Variants in CTNND2 observed in about 807,000 individuals in gnomAD.
CTNND2 encodes the protein catenin delta 2, also known as catenin delta-2.
In CTNND2, 22 loss-of-function variants were observed where a neutral mutation model predicts 144.4. The observed-to-expected ratio is 0.15, with a 90% CI of 0.11 to 0.22. CTNND2 has a LOEUF of 0.22. Ranked by LOEUF, CTNND2 falls within the 10% of genes least tolerant of loss-of-function variation. The probability of loss-of-function intolerance (pLI) is 1.00; values close to 1 mark genes in which losing one functional copy is unlikely to be tolerated. For missense variants in CTNND2, 1,353 were observed against 1,618.8 expected, an observed-to-expected ratio of 0.84 and a Z score of 2.82; for synonymous variants, 751 against 695.6, an observed-to-expected ratio of 1.08 and a Z score of -1.25.
intron 1 of CTNND2, among the ~76,000 whole-genome samples, chr5:11,868,727 T>C (rs1795891669): frequency 6.6e-6 from 1 of 152,108 alleles, no homozygotes; most frequent in African/African-American, 2.4e-5. Context: ...GTGGGACTGA[T>C]GGCTTTGTAA....
chr5:11,657,268 G>T (rs1402429573), intron 2 of CTNND2, among the ~76,000 whole-genome samples: 1 of 152,084 alleles, frequency 6.6e-6, no homozygotes, highest in Non-Finnish European at 1.5e-5. Flanking sequence ...ATTTTTTAAA[G>T]AATGTGCAAC....
At chr5:10,986,631 T>C in intron 20 of CTNND2, 1 of 456,076 alleles carries the variant, frequency 2.2e-6, no homozygotes, top group Non-Finnish European at 4.4e-6. Flanking sequence ...TGAATGTGAA[T>C]AGTAACCTAG....
intron 1 of CTNND2, among the ~76,000 whole-genome samples, chr5:11,898,861 G>A (rs1737622658): frequency 6.6e-6 from 1 of 152,070 alleles, no homozygotes; most frequent in Non-Finnish European, 1.5e-5. Flanking sequence ...CCATTATACA[G>A]CTCACATTCT....
intron 9 of CTNND2, among the ~76,000 whole-genome samples, chr5:11,286,379 G>A (rs1039952842): frequency 1.4e-4 from 21 of 152,116 alleles, no homozygotes; most frequent in African/African-American, 4.8e-4. Flanking sequence ...CATGTCTTAA[G>A]TTATTAAAAA....
At chr5:11,340,595 A>C (rs942755239) in intron 9 of CTNND2, among the ~76,000 whole-genome samples, 4 of 152,234 alleles carry the variant, frequency 2.6e-5, no homozygotes, top group Admixed American at 2.0e-4. Context: ...CTATAGTATC[A>C]AATAATGGAA....
chr5:11,582,570 T>G (rs1229638575), intron 2 of CTNND2, among the ~76,000 whole-genome samples: 2 of 152,222 alleles, frequency 1.3e-5, no homozygotes, highest in East Asian at 3.9e-4. Flanking sequence ...ATATTCACCT[T>G]GTAACTTAAA....
chr5:11,327,346 C>T (rs545057726), intron 9 of CTNND2, among the ~76,000 whole-genome samples: 10 of 152,202 alleles, frequency 6.6e-5, no homozygotes, highest in East Asian at 1.9e-4. Flanking sequence ...GGATTTGGCA[C>T]GGGCTGGAAA....
At chr5:11,634,474 TC>T (rs1463528333) in intron 2 of CTNND2, among the ~76,000 whole-genome samples, 6 of 152,162 alleles carry the variant, frequency 3.9e-5, no homozygotes, top group African/African-American at 1.4e-4. Flanking sequence ...GCACGATTTC[TC>T]CAGTTCTGCC....
chr5:11,030,553 A>G (rs1056027391), intron 16 of CTNND2, among the ~76,000 whole-genome samples: 1 of 151,852 alleles, frequency 6.6e-6, no homozygotes, highest in Non-Finnish European at 1.5e-5. Context: ...TTTCATTTCA[A>G]TTATTGTACT....
intron 16 of CTNND2, among the ~76,000 whole-genome samples, chr5:11,030,898 T>A (rs1170570656): frequency 6.6e-6 from 1 of 152,070 alleles, no homozygotes; most frequent in Non-Finnish European, 1.5e-5. Context: ...GGAAATCAGA[T>A]TCTTCCTCTT....
At chr5:11,098,189 A>G (rs565499134) in intron 15 of CTNND2, among the ~76,000 whole-genome samples, 111 of 152,264 alleles carry the variant, frequency 7.3e-4, no homozygotes, top group Non-Finnish European at 1.4e-3. Context: ...AAGTGTTCAC[A>G]TGGGATTTTA....
chr5:11,259,808 G>C lies in CTNND2; in HGVS notation c.1629-22985C>G, dbSNP rs1434925103. 3.9e-5 allele frequency among the ~76,000 whole-genome samples: 6 copies of C among 152,264 alleles called. No homozygotes were observed. The East Asian group carries it at 1.2e-3, about 29-fold the overall frequency. On this transcript the variant is annotated intron_variant, in intron 9 of 21. Coordinates refer to ENST00000304623, the MANE Select transcript of CTNND2 (RefSeq NM_001332.4). ...GATCTGAAAAGAACCGCTTTGTTGA[G>C]GCCATCAGTTTGTTGTTAACAACCC...
At chr5:11,600,849 T>C (rs1022465436) in intron 2 of CTNND2, among the ~76,000 whole-genome samples, 5 of 151,954 alleles carry the variant, frequency 3.3e-5, no homozygotes, top group African/African-American at 1.2e-4. Flanking sequence ...ATGAGAGCAT[T>C]GGTGGTAAAA....
intron 1 of CTNND2, among the ~76,000 whole-genome samples, chr5:11,801,339 A>G (rs1791670936): frequency 6.6e-6 from 1 of 152,228 alleles, no homozygotes; most frequent in Non-Finnish European, 1.5e-5. Flanking sequence ...AGGGCAGAGC[A>G]TCCGACTGAT....
At chr5:11,117,617 A>G in intron 12 of CTNND2, 50 bp from the exon 13 acceptor site, 1 of 1,457,370 alleles carries the variant, frequency 6.9e-7, no homozygotes, top group Non-Finnish European at 9.6e-7. Flanking sequence ...TCACCAAAAG[A>G]ATGTCTTTCC....
At chr5:11,568,734 C>T (rs1430025340) in intron 2 of CTNND2, among the ~76,000 whole-genome samples, 1 of 152,122 alleles carries the variant, frequency 6.6e-6, no homozygotes, top group Non-Finnish European at 1.5e-5. Context: ...TGACATTATC[C>T]ATCTCTAACA....
intron 19 of CTNND2, among the ~76,000 whole-genome samples, chr5:10,991,698 T>C (rs1738697111): frequency 6.6e-6 from 1 of 152,120 alleles, no homozygotes; most frequent in Non-Finnish European, 1.5e-5. Flanking sequence ...AAAAATTAAA[T>C]GGAATGACAT....
intron 2 of CTNND2, among the ~76,000 whole-genome samples, chr5:11,584,953 T>C (rs1446032110): frequency 6.6e-6 from 1 of 152,202 alleles, no homozygotes; most frequent in African/African-American, 2.4e-5. Context: ...AGAAATTATA[T>C]ATACTTCTTC....
At chr5:11,145,534 A>G (rs1757158702) in intron 12 of CTNND2, among the ~76,000 whole-genome samples, 1 of 152,128 alleles carries the variant, frequency 6.6e-6, no homozygotes, top group Admixed American at 6.5e-5. Context: ...GACAGTGGCA[A>G]CTAACTGAGG....
Sources: gnomAD v4.1 joint callset for allele counts (sites outside exome capture counted in the v4.1 genomes callset) on GRCh38, gnomAD v4.1.1 for gene constraint, MANE v1.5 for transcripts, NCBI Gene and HGNC (gene_info 2026-07-23, HGNC 2026-07-21) for gene names.